The following DTNA variants were observed in gnomAD, a reference collection of about 807,000 sequenced individuals.
DTNA encodes dystrophin-related protein 3.
A neutral mutation model predicts 100.7 loss-of-function variants in DTNA; 43 were observed. That is an observed-to-expected ratio of 0.43 (90% CI 0.33 to 0.55). The LOEUF (loss-of-function observed/expected upper bound fraction) is 0.55. Ranked by LOEUF, DTNA falls within the 20% of genes least tolerant of loss-of-function variation. The pLI, the probability that DTNA is intolerant of heterozygous loss-of-function variation, is 0.04. For missense variants in DTNA, 798 were observed against 953.9 expected (o/e 0.84, Z 2.15); for synonymous variants, 349 against 347.9 (o/e 1.00, Z -0.04).
At chr18:34,818,128 G>A in intron 7 of DTNA, 36 bp from the exon 8 acceptor site, 1 of 1,613,632 alleles carries the variant, frequency 6.2e-7, no homozygotes, top group Non-Finnish European at 8.5e-7. Flanking sequence ...TCATACTTTT[G>A]TTTTCTTGGT....
chr18:34,668,123 G>C (rs561374530), intron 1 of DTNA, among the ~76,000 whole-genome samples: 17 of 152,304 alleles, frequency 1.1e-4, no homozygotes, highest in Non-Finnish European at 1.5e-4. Context: ...GGTCTATTCA[G>C]AGATTCAGCT....
chr18:34,549,990 T>A (rs2045229528), intron 1 of DTNA, among the ~76,000 whole-genome samples: 1 of 152,040 alleles, frequency 6.6e-6, no homozygotes, highest in South Asian at 2.1e-4. Flanking sequence ...TAGATATCAG[T>A]TTTTGTTCCT....
At chr18:34,593,825 A>G (rs1450074772) in intron 1 of DTNA, among the ~76,000 whole-genome samples, 1 of 152,192 alleles carries the variant, frequency 6.6e-6, no homozygotes, top group Non-Finnish European at 1.5e-5. Context: ...TTACAATCTC[A>G]ATAGTTTTAT....
chr18:34,609,285 C>T (rs1012091851), intron 1 of DTNA, among the ~76,000 whole-genome samples: 4 of 146,250 alleles, frequency 2.7e-5, no homozygotes, highest in Admixed American at 1.4e-4. Context: ...TGCTCTGTCA[C>T]CCAGGCTGGA....
At chr18:34,557,861 G>A (rs1348056904) in intron 1 of DTNA, 2 of 152,424 alleles carry the variant, frequency 1.3e-5, no homozygotes, top group Admixed American at 6.5e-5. Context: ...AGCCTACAGA[G>A]GCAGGCAGGC....
chr18:34,852,106 G>A lies in DTNA; in HGVS notation c.1532+178G>A, dbSNP rs532488541. Among the ~76,000 whole-genome samples the A allele has an allele frequency of 3.9e-5, 6 of 152,304 alleles. No homozygotes were observed. In the South Asian group the frequency reaches 1.2e-3, roughly 32 times the overall value. ...TCTTTAGATCTTTAGAACTTCAGAA[G>A]CTCCATGAGAAAACGGCGTGTGCAT... On this transcript the variant is annotated intron_variant, in intron 15 of 22. Transcript: ENST00000444659.
chr18:34,830,797 T>C (rs1320388337), intron 11 of DTNA, among the ~76,000 whole-genome samples: 1 of 152,234 alleles, frequency 6.6e-6, no homozygotes, highest in Non-Finnish European at 1.5e-5. Context: ...ATTTTCTTGA[T>C]TGTAAACTGT....
At chr18:34,803,255 C>T (rs1278833380) in intron 4 of DTNA, among the ~76,000 whole-genome samples, 1 of 151,978 alleles carries the variant, frequency 6.6e-6, no homozygotes, top group Non-Finnish European at 1.5e-5. Context: ...CTGTAAAACC[C>T]TCATTCGGCT....
At chr18:34,761,469 G>GT (rs1309399707) in intron 2 of DTNA, among the ~76,000 whole-genome samples, 2 of 152,156 alleles carry the variant, frequency 1.3e-5, no homozygotes, top group African/African-American at 4.8e-5. Context: ...AAATGAATGG[G>GT]TAGGGAAAAG....
chr18:34,661,912 A>G (rs2075253268), intron 1 of DTNA, among the ~76,000 whole-genome samples: 1 of 152,150 alleles, frequency 6.6e-6, no homozygotes, highest in Non-Finnish European at 1.5e-5. Flanking sequence ...TTTCACATAA[A>G]TATCTGGATT....
intron 16 of DTNA, among the ~76,000 whole-genome samples, chr18:34,858,803 G>T (rs1291958434): frequency 6.6e-6 from 1 of 151,632 alleles, no homozygotes; most frequent in East Asian, 1.9e-4. Context: ...TAGAGACAGG[G>T]TTTCACCATA....
chr18:34,619,888 G>A (rs997183021), intron 1 of DTNA, among the ~76,000 whole-genome samples: 5 of 152,056 alleles, frequency 3.3e-5, no homozygotes, highest in African/African-American at 1.2e-4. Flanking sequence ...AAGAAGCATG[G>A]GGAAGAACCC....
intron 1 of DTNA, among the ~76,000 whole-genome samples, chr18:34,694,221 A>T (rs1432816575): frequency 6.6e-6 from 1 of 152,144 alleles, no homozygotes; most frequent in Non-Finnish European, 1.5e-5. Context: ...TCCCTAGAAG[A>T]GCTTTGCAGA....
chr18:34,702,723 T>C (rs1046227661), intron 1 of DTNA, among the ~76,000 whole-genome samples: 2 of 152,204 alleles, frequency 1.3e-5, no homozygotes, highest in African/African-American at 4.8e-5. Flanking sequence ...AGTGGCTTAA[T>C]TTCTTTTTCC....
intron 1 of DTNA, among the ~76,000 whole-genome samples, chr18:34,588,080 C>T (rs2049319050): frequency 6.6e-6 from 1 of 152,088 alleles, no homozygotes; most frequent in Admixed American, 6.6e-5. Context: ...CAAAGTAAAC[C>T]AGTTGTAACA....
At chr18:34,588,507 A>G (rs2049362519) in intron 1 of DTNA, among the ~76,000 whole-genome samples, 1 of 152,104 alleles carries the variant, frequency 6.6e-6, no homozygotes, top group South Asian at 2.1e-4. Context: ...AACCAACATA[A>G]GTCCCATTAA....
intron 1 of DTNA, among the ~76,000 whole-genome samples, chr18:34,601,186 A>T (rs548756892): frequency 6.6e-6 from 1 of 152,368 alleles, no homozygotes; most frequent in African/African-American, 2.4e-5. Context: ...GGGCTACCCC[A>T]TAGAGTGTCC....
chr18:34,496,918 A>G (rs1601091147), intron 1 of DTNA, among the ~76,000 whole-genome samples: 1 of 152,062 alleles, frequency 6.6e-6, no homozygotes, highest in Non-Finnish European at 1.5e-5. Flanking sequence ...GATGTGTGTC[A>G]CTCTAGTTAC....
At chr18:34,573,065 C>T (rs2047746507) in intron 1 of DTNA, among the ~76,000 whole-genome samples, 1 of 152,194 alleles carries the variant, frequency 6.6e-6, no homozygotes, top group Non-Finnish European at 1.5e-5. Flanking sequence ...CCTTTGCACA[C>T]AGTAGGTGCT....
Sources: gnomAD v4.1 joint callset for allele counts (sites outside exome capture counted in the v4.1 genomes callset) on GRCh38, gnomAD v4.1.1 for gene constraint, MANE v1.5 for transcripts, NCBI Gene and HGNC (gene_info 2026-07-23, HGNC 2026-07-21) for gene names.